The following RAB10 variants were observed in gnomAD, a reference collection of about 807,000 sequenced individuals.
RAB10 encodes ras-related protein Rab-10.
RAB10 carries 5 observed loss-of-function variants against 25.7 expected under a neutral mutation model. That is an observed-to-expected ratio of 0.19 (90% CI 0.10 to 0.41). RAB10 has a LOEUF of 0.41. Among genes scored for constraint, RAB10 ranks in the 10% least tolerant of loss-of-function variants. The probability of loss-of-function intolerance (pLI) is 1.00; values close to 1 mark genes in which losing one functional copy is unlikely to be tolerated. For synonymous variants in RAB10, 89 were observed against 86.4 expected (o/e 1.03, Z -0.16); for missense variants, 103 against 245.8 (o/e 0.42, Z 3.89).
chr2:26,073,463 C>T (rs1666670539), intron 1 of RAB10, among the ~76,000 whole-genome samples: 1 of 152,184 alleles, frequency 6.6e-6, no homozygotes, highest in Non-Finnish European at 1.5e-5. Context: ...GAGCTCAAGC[C>T]ACAGCCACTG....
chr2:26,056,332 G>A (rs534204842), intron 1 of RAB10, among the ~76,000 whole-genome samples: 1 of 152,212 alleles, frequency 6.6e-6, no homozygotes, highest in Admixed American at 6.5e-5. Flanking sequence ...CTCAGTAGCT[G>A]GAACTACAGG....
At chr2:26,127,581 A>C (rs142214447) in intron 4 of RAB10, among the ~76,000 whole-genome samples, 42 of 152,352 alleles carry the variant, frequency 2.8e-4, no homozygotes, top group African/African-American at 9.6e-4. Context: ...AGCAGAAATT[A>C]GACCCTGAGG....
At chr2:26,118,158 A>G (rs1208399619) in intron 3 of RAB10, among the ~76,000 whole-genome samples, 1 of 152,016 alleles carries the variant, frequency 6.6e-6, no homozygotes, top group Non-Finnish European at 1.5e-5. Context: ...ATTTTAGTAG[A>G]GACGGGGTTT....
intron 1 of RAB10, among the ~76,000 whole-genome samples, chr2:26,097,459 G>A (rs1326535548): frequency 1.3e-5 from 2 of 152,056 alleles, no homozygotes; most frequent in East Asian, 3.9e-4. Flanking sequence ...TGTGTTTTTA[G>A]TAGAGACGGG....
At position 26,136,573 on chromosome 2, in the gene RAB10, G is replaced by A. The variant is rs1456473997; in HGVS notation, c.*1552G>A. ...ATTGCTTATCATTAGGATAGGGTAA[G>A]TGAAGTTTGCTATGCTGCTAGCATC... On this transcript the variant is annotated 3_prime_UTR_variant, in exon 6 of 6. Coordinates refer to ENST00000264710, the MANE Select transcript of RAB10 (RefSeq NM_016131.5). 6.6e-6 allele frequency: 1 copy of A among 152,570 alleles called. No individual in the cohort carries two copies. Among genetic ancestry groups the A allele is most frequent in the Non-Finnish European group, 1.5e-5 (1 of 68,028 alleles). 9.5% of individuals were successfully genotyped at this position (152,570 alleles called of 1,614,324 possible).
At chr2:26,129,978 C>T (rs1394273647) in intron 5 of RAB10, among the ~76,000 whole-genome samples, 2 of 152,150 alleles carry the variant, frequency 1.3e-5, no homozygotes, top group East Asian at 1.9e-4. Context: ...CACGCAGATA[C>T]ATTTTGTTAT....
chr2:26,132,353 A>G (rs1668026880), intron 5 of RAB10, among the ~76,000 whole-genome samples: 1 of 152,172 alleles, frequency 6.6e-6, no homozygotes, highest in African/African-American at 2.4e-5. Context: ...TCCCAGGTTC[A>G]AGAGATTCTC....
intron 1 of RAB10, among the ~76,000 whole-genome samples, chr2:26,055,375 A>C (rs1666237039): frequency 6.7e-6 from 1 of 150,302 alleles, no homozygotes; most frequent in Non-Finnish European, 1.5e-5. Context: ...CAGGCATGCG[A>C]CACCACACTT....
At chr2:26,067,790 A>G (rs1236671670) in intron 1 of RAB10, among the ~76,000 whole-genome samples, 1 of 152,220 alleles carries the variant, frequency 6.6e-6, no homozygotes, top group Non-Finnish European at 1.5e-5. Context: ...AGAAACACCA[A>G]TTCAATGTCT....
intron 3 of RAB10, among the ~76,000 whole-genome samples, chr2:26,125,187 CCA>C (rs1254206657): frequency 6.6e-6 from 1 of 152,068 alleles, no homozygotes; most frequent in Non-Finnish European, 1.5e-5. Context: ...CCAGACTTTT[CCA>C]CAGTGATTGC....
intron 1 of RAB10, among the ~76,000 whole-genome samples, chr2:26,095,778 G>A (rs1348098066): frequency 6.6e-6 from 1 of 152,090 alleles, no homozygotes; most frequent in Non-Finnish European, 1.5e-5. Flanking sequence ...TGGGCAGGGT[G>A]GCACATACCT....
chr2:26,133,644 A>C (rs996708996), intron 5 of RAB10, among the ~76,000 whole-genome samples: 6 of 152,096 alleles, frequency 3.9e-5, no homozygotes, highest in African/African-American at 1.4e-4. Flanking sequence ...CCCTTTTAAA[A>C]TACTGTATTC....
chr2:26,073,573 C>CA (rs1490216012), intron 1 of RAB10, among the ~76,000 whole-genome samples: 1 of 152,186 alleles, frequency 6.6e-6, no homozygotes, highest in Non-Finnish European at 1.5e-5. Context: ...ACCCAGAACT[C>CA]AGCTTGCAAG....
chr2:26,083,122 TTAGTC>T (rs1457107873), intron 1 of RAB10, among the ~76,000 whole-genome samples: 1 of 152,158 alleles, frequency 6.6e-6, no homozygotes, highest in East Asian at 1.9e-4. Context: ...GGCAGAGCAT[TTAGTC>T]TAGAGCTTCC....
chr2:26,046,407 T>A (rs939025637), intron 1 of RAB10, among the ~76,000 whole-genome samples: 2 of 152,050 alleles, frequency 1.3e-5, no homozygotes, highest in Non-Finnish European at 2.9e-5. Flanking sequence ...TTAAGGGAAA[T>A]CTGAAATGAG....
At chr2:26,034,941 C>T (rs1665731889) in intron 1 of RAB10, among the ~76,000 whole-genome samples, 1 of 152,202 alleles carries the variant, frequency 6.6e-6, no homozygotes, top group South Asian at 2.1e-4. Context: ...TTTCGAGTCT[C>T]CCACTATGCT....
At chr2:26,104,672 A>G (rs1667431433) in intron 2 of RAB10, among the ~76,000 whole-genome samples, 2 of 149,838 alleles carry the variant, frequency 1.3e-5, no homozygotes, top group South Asian at 4.2e-4. Context: ...GATGACCCCT[A>G]TGTTTTCTTC....
chr2:26,113,737 C>T (rs1667627035), intron 3 of RAB10, among the ~76,000 whole-genome samples: 1 of 115,182 alleles, frequency 8.7e-6, no homozygotes. Flanking sequence ...GAGTTCCAGC[C>T]AGAGCTAAAA....
chr2:26,070,614 C>G lies in RAB10; in HGVS notation c.128-28048C>G, dbSNP rs544382307. Among the ~76,000 whole-genome samples the G allele has an allele frequency of 5.3e-5, 8 of 152,192 alleles. No individual in the cohort carries two copies. The South Asian group carries it at 1.7e-3, about 32-fold the overall frequency. ...AGGAAGCAGAGTTTAATGACCTGCC[C>G]TTGATAATATGACAAATATATCAGA... is the stretch of plus-strand genomic sequence containing the variant. On this transcript the variant is annotated intron_variant, in intron 1 of 5. Transcript: ENST00000264710.
Sources: allele counts gnomAD v4.1 joint callset (sites outside exome capture counted in the v4.1 genomes callset), GRCh38; gene constraint gnomAD v4.1.1; transcripts MANE v1.5; gene names NCBI Gene and HGNC (gene_info 2026-07-23, HGNC 2026-07-21).